The following PDE8B variants were observed in gnomAD, a reference collection of about 807,000 sequenced individuals.
The protein encoded by PDE8B is phosphodiesterase 8B.
PDE8B carries 26 observed loss-of-function variants against 101.3 expected under a neutral mutation model. That is an observed-to-expected ratio of 0.26 (90% CI 0.19 to 0.36). PDE8B has a LOEUF of 0.36. Ranked by LOEUF, PDE8B falls within the 10% of genes least tolerant of loss-of-function variation. PDE8B has a pLI of 1.00. For missense variants in PDE8B, 810 were observed against 1,163.1 expected (o/e 0.70, Z 4.42); for synonymous variants, 424 against 429.3 (o/e 0.99, Z 0.15).
At chr5:77,209,747 G>A (rs561829032), upstream of PDE8B, among the ~76,000 whole-genome samples, 152 of 152,290 alleles carry the variant, frequency 1.0e-3, no homozygotes, top group African/African-American at 3.5e-3. Context: ...GCGGCTGGAC[G>A]GGATAGAAAC....
chr5:77,318,235 G>A (rs1022865305), intron 2 of PDE8B, among the ~76,000 whole-genome samples: 9 of 152,200 alleles, frequency 5.9e-5, no homozygotes, highest in Middle Eastern at 6.8e-3. Context: ...GGATGGAGAT[G>A]TTCAGACTCA....
chr5:77,377,307 G>T (rs76215046), intron 10 of PDE8B, among the ~76,000 whole-genome samples: 1 of 152,242 alleles, frequency 6.6e-6, no homozygotes, highest in East Asian at 1.9e-4. Context: ...GGCCCCATTA[G>T]GCTAGGCTCG....
chr5:77,180,479 C>T, the PDE8B span: 11 of 985,270 alleles, frequency 1.1e-5, no homozygotes, highest in Middle Eastern at 2.1e-3. Context: ...CCACCGAGCG[C>T]GTGCCAGGTG....
In PDE8B at chr5:77,371,291, T is replaced by C. The variant is rs919271599; in HGVS notation, c.1167+17885T>C. Among the ~76,000 whole-genome samples the C allele has an allele frequency of 5.6e-4, 85 of 152,308 alleles. 1 individual carries two copies. The highest frequency in any genetic ancestry group is 4.6e-3 in the Admixed American group (70 of 15,296). ...TCCATCTAGAGTTAGTTTTTGTGTA[T>C]GGTGTCAGATGGGATCAAGCTTAAT... On this transcript the variant is annotated intron_variant, in intron 10 of 21. Coordinates refer to ENST00000264917, the MANE Select transcript of PDE8B (RefSeq NM_003719.5).
intron 3 of PDE8B, 97 bp from the exon 4 acceptor site, chr5:77,328,901 T>C: frequency 2.2e-6 from 2 of 914,466 alleles, no homozygotes; most frequent in Admixed American, 3.5e-5. Context: ...AGAGAAAGAT[T>C]TGATGTTGTA....
At chr5:77,283,822 T>G (rs185015496) in intron 1 of PDE8B, among the ~76,000 whole-genome samples, 1 of 152,350 alleles carries the variant, frequency 6.6e-6, no homozygotes, top group Admixed American at 6.5e-5. Context: ...TGTGTAGACA[T>G]AAATTTTCAG....
chr5:77,241,706 T>C (rs746597564), intron 1 of PDE8B, among the ~76,000 whole-genome samples: 5 of 152,248 alleles, frequency 3.3e-5, no homozygotes, highest in Non-Finnish European at 5.9e-5. Context: ...CATGAGATCA[T>C]GTGTTCTTCA....
At chr5:77,426,007 T>C (rs571289964) in intron 21 of PDE8B, 111 bp downstream of exon 21, 4 of 1,151,838 alleles carry the variant, frequency 3.5e-6, no homozygotes, top group African/African-American at 3.1e-5. Flanking sequence ...TTTAAAAATG[T>C]GGCTGTCAGC....
Position 77,426,803 on chromosome 5 carries a change from G to T in PDE8B, c.*249G>T. On this transcript the variant is annotated 3_prime_UTR_variant, in exon 22 of 22. Coordinates refer to ENST00000264917, the MANE Select transcript of PDE8B (RefSeq NM_003719.5). ...ACTTGGCAAACTCCTTTGCTCTGCT[G>T]TCATCCTGTGTACCCTTGTCAATCC... 1 of 445,994 alleles carries T rather than the reference G, an allele frequency of 2.2e-6. No individual in the cohort carries two copies. Among genetic ancestry groups the T allele is most frequent in the Non-Finnish European group, 4.2e-6 (1 of 240,584 alleles). The allele number at this position is 445,994 out of a possible 1,614,324, so 27.6% of individuals were successfully genotyped here. A position where few individuals can be genotyped will look rare whatever the true frequency, so the allele number is the denominator to read the frequency against.
At chr5:77,232,247 T>A (rs1753722758) in intron 1 of PDE8B, among the ~76,000 whole-genome samples, 1 of 152,246 alleles carries the variant, frequency 6.6e-6, no homozygotes, top group African/African-American at 2.4e-5. Context: ...GTCTTTTAGG[T>A]TGTAAACTTT....
At chr5:77,321,567 G>A (rs1050805990) in intron 2 of PDE8B, among the ~76,000 whole-genome samples, 2 of 152,136 alleles carry the variant, frequency 1.3e-5, no homozygotes, top group African/African-American at 4.8e-5. Flanking sequence ...CTGGGAGATG[G>A]GAACAAAGAG....
intron 2 of PDE8B, among the ~76,000 whole-genome samples, chr5:77,321,396 C>A (rs1581027553): frequency 6.6e-6 from 1 of 152,034 alleles, no homozygotes; most frequent in East Asian, 1.9e-4. Context: ...GGTGATCCAC[C>A]CACCTTGGCC....
chr5:77,315,848 A>G (rs1773670456), intron 2 of PDE8B, among the ~76,000 whole-genome samples: 1 of 152,158 alleles, frequency 6.6e-6, no homozygotes, highest in Non-Finnish European at 1.5e-5. Context: ...TTTGTTGGTA[A>G]TATTGCCAGG....
At chr5:77,345,509 GAAGT>G (rs1388396064) in intron 7 of PDE8B, among the ~76,000 whole-genome samples, 1 of 152,206 alleles carries the variant, frequency 6.6e-6, no homozygotes, top group Non-Finnish European at 1.5e-5. Context: ...TATTGACATA[GAAGT>G]AAGTCAGAAT....
intron 1 of PDE8B, among the ~76,000 whole-genome samples, chr5:77,282,023 T>C (rs1175938149): frequency 6.6e-6 from 1 of 152,140 alleles, no homozygotes; most frequent in African/African-American, 2.4e-5. Context: ...TACTATCCCA[T>C]TTAACAGTCA....
intron 1 of PDE8B, among the ~76,000 whole-genome samples, chr5:77,279,416 G>A (rs1486741098): frequency 6.6e-6 from 1 of 152,126 alleles, no homozygotes; most frequent in Non-Finnish European, 1.5e-5. Flanking sequence ...GCTTCCAGTT[G>A]TCATCTGTGT....
the PDE8B span, chr5:77,118,485 A>G: frequency 1.5e-5 from 6 of 398,026 alleles, no homozygotes; most frequent in Admixed American, 1.3e-4. Flanking sequence ...TGCCCACCAC[A>G]TGGAGGCCAG....
chr5:77,238,740 G>C (rs1006149077), intron 1 of PDE8B, among the ~76,000 whole-genome samples: 1 of 152,238 alleles, frequency 6.6e-6, no homozygotes, highest in African/African-American at 2.4e-5. Context: ...GTTCAAATCT[G>C]AAGGTCTGAG....
At chr5:77,252,687 T>C (rs921580665) in intron 1 of PDE8B, among the ~76,000 whole-genome samples, 3 of 152,194 alleles carry the variant, frequency 2.0e-5, no homozygotes, top group Non-Finnish European at 4.4e-5. Context: ...ATATAAGAAC[T>C]ATATTTATTT....
Sources: gnomAD v4.1 joint callset for allele counts (sites outside exome capture counted in the v4.1 genomes callset) on GRCh38, gnomAD v4.1.1 for gene constraint, MANE v1.5 for transcripts, NCBI Gene and HGNC (gene_info 2026-07-23, HGNC 2026-07-21) for gene names.